Variants in ZDHHC15 observed in about 807,000 individuals in gnomAD.
ZDHHC15 encodes the protein zDHHC palmitoyltransferase 15.
A neutral mutation model predicts 31.7 loss-of-function variants in ZDHHC15; 19 were observed. That is an observed-to-expected ratio of 0.60 (90% CI 0.42 to 0.88). The LOEUF (loss-of-function observed/expected upper bound fraction) is 0.88. Ranked by LOEUF, ZDHHC15 falls within the 40% of genes least tolerant of loss-of-function variation. ZDHHC15 has a pLI of 0.00. For missense variants in ZDHHC15, 209 were observed against 251.2 expected (o/e 0.83, Z 1.14); for synonymous variants, 103 against 90.0 (o/e 1.14, Z -0.82).
intron 2 of ZDHHC15, among the ~76,000 whole-genome samples, chrX:75,484,243 T>C (rs1162677951): frequency 9.0e-6 from 1 of 111,569 alleles, no homozygotes; most frequent in Non-Finnish European, 1.9e-5. Context: ...ATATCAAGTA[T>C]ATATATACCT....
chrX:75,391,748 T>G (rs750646838), intron 10 of ZDHHC15, among the ~76,000 whole-genome samples: 1 of 112,105 alleles, frequency 8.9e-6, no homozygotes, highest in South Asian at 3.7e-4. Context: ...AGAATGTTAA[T>G]GAGCAAAAAA....
At chrX:75,418,375 A>AG (rs1254474473) in intron 9 of ZDHHC15, among the ~76,000 whole-genome samples, 1 of 111,880 alleles carries the variant, frequency 8.9e-6, no homozygotes, top group Non-Finnish European at 1.9e-5. Flanking sequence ...CTGTCTAAGG[A>AG]GGGGACTGAA....
At chrX:75,391,832 G>A (rs991295559) in intron 10 of ZDHHC15, among the ~76,000 whole-genome samples, 1 of 111,874 alleles carries the variant, frequency 8.9e-6, no homozygotes, top group Admixed American at 9.5e-5. Context: ...CTGTAGGTGT[G>A]ATATGTAAAC....
At chrX:75,375,141 GTT>G (rs2083046753) in intron 11 of ZDHHC15, among the ~76,000 whole-genome samples, 1 of 111,549 alleles carries the variant, frequency 9.0e-6, no homozygotes, top group Non-Finnish European at 1.9e-5. Flanking sequence ...TTTTATACGT[GTT>G]TCCAAGTTGC....
At chrX:75,460,768 CA>C (rs2084300539) in intron 3 of ZDHHC15, among the ~76,000 whole-genome samples, 1 of 111,255 alleles carries the variant, frequency 9.0e-6, no homozygotes, top group Non-Finnish European at 1.9e-5. Context: ...AAAGACCCCA[CA>C]AAAAACTTAT....
At chrX:75,395,535 G>T (rs182653697) in intron 10 of ZDHHC15, among the ~76,000 whole-genome samples, 52 of 111,514 alleles carry the variant, frequency 4.7e-4, no homozygotes, top group African/African-American at 1.5e-3. Flanking sequence ...AACATTGAAA[G>T]AAATTGAATA....
chrX:75,441,531 G>T (rs1204182778), intron 4 of ZDHHC15, among the ~76,000 whole-genome samples: 2 of 111,289 alleles, frequency 1.8e-5, no homozygotes, highest in East Asian at 5.6e-4. Flanking sequence ...ACAGGTTTTT[G>T]GCTGTCTCAT....
intron 2 of ZDHHC15, among the ~76,000 whole-genome samples, chrX:75,492,242 A>G (rs1000502712): frequency 1.8e-5 from 2 of 111,888 alleles, no homozygotes; most frequent in Non-Finnish European, 3.8e-5. Context: ...TATCCTAAAT[A>G]TATATGAACC....
chrX:75,400,611 A>G (rs1380990842), intron 10 of ZDHHC15, among the ~76,000 whole-genome samples: 2 of 112,037 alleles, frequency 1.8e-5, no homozygotes, highest in Non-Finnish European at 3.8e-5. Flanking sequence ...GTCAACAGTC[A>G]AAAGCAAGAA....
intron 11 of ZDHHC15, among the ~76,000 whole-genome samples, chrX:75,377,512 T>C (rs992916654): frequency 4.6e-5 from 5 of 108,884 alleles, no homozygotes; most frequent in African/African-American, 1.7e-4. Flanking sequence ...AAAATATATA[T>C]ATATGTATAT....
chrX:75,437,223 T>A (rs1440806770), intron 4 of ZDHHC15, among the ~76,000 whole-genome samples: 1 of 111,281 alleles, frequency 9.0e-6, no homozygotes, highest in African/African-American at 3.3e-5. Context: ...GTGTGTAGTT[T>A]AAGTCTACTG....
At chrX:75,497,027 A>G (rs1372044731) in intron 2 of ZDHHC15, among the ~76,000 whole-genome samples, 1 of 112,151 alleles carries the variant, frequency 8.9e-6, no homozygotes, top group Non-Finnish European at 1.9e-5. Flanking sequence ...CAAAAAATAC[A>G]AAAGATAAAT....
intron 11 of ZDHHC15, 32 bp from the exon 12 acceptor site, chrX:75,372,977 G>A (rs1253530304): frequency 8.9e-6 from 1 of 111,807 alleles, no homozygotes; most frequent in Non-Finnish European, 1.9e-5. Flanking sequence ...TCACAGATGA[G>A]CTGAACAACT....
intron 3 of ZDHHC15, among the ~76,000 whole-genome samples, chrX:75,463,607 A>AACAACAAC (rs58345977): frequency 2.5e-4 from 14 of 56,208 alleles, no homozygotes; most frequent in African/African-American, 5.4e-4. Context: ...ACAACAACAA[A>AACAACAAC]AAACCCATCA....
chrX:75,492,989 C>G (rs1216085589), intron 2 of ZDHHC15, among the ~76,000 whole-genome samples: 1 of 111,259 alleles, frequency 9.0e-6, no homozygotes, highest in Non-Finnish European at 1.9e-5. Flanking sequence ...TCAGTGAATC[C>G]AGGAACTGGT....
chrX:75,446,470 G>A (rs1402950210), intron 4 of ZDHHC15, among the ~76,000 whole-genome samples: 2 of 111,961 alleles, frequency 1.8e-5, no homozygotes, highest in African/African-American at 6.5e-5. Context: ...TTTGTAAAGA[G>A]AGCCCTGGTA....
chrX:75,411,365 G>A (rs1388589554), intron 10 of ZDHHC15, among the ~76,000 whole-genome samples: 2 of 110,731 alleles, frequency 1.8e-5, no homozygotes, highest in Non-Finnish European at 3.8e-5. Flanking sequence ...GGTGCCCACC[G>A]CCACGCCCGG....
chrX:75,450,887 T>G lies in ZDHHC15; in HGVS notation c.294A>C (p.Glu98Asp). The G allele has an allele frequency of 5.0e-6, 6 of 1,210,526 alleles. No individual in the cohort carries two copies. The highest frequency in any genetic ancestry group is 6.7e-6 in the Non-Finnish European group (6 of 894,782). The part of the protein sequence containing the change: ...HLSYTDKERY[E>D]NEERPEVQKQ... ...TCTGGACCTCAGGTCTTTCTTCATT[T>G]TCATAGCGCTCCTTGTCTGTGTAGG... Residue 98 changes from glutamate to aspartate, a missense_variant, in exon 4 of 12, where the codon GAA becomes GAC. Physicochemically the swap from Glu to Asp is conservative, Grantham distance 45 (BLOSUM62 2). Coordinates refer to ENST00000373367, the MANE Select transcript of ZDHHC15 (RefSeq NM_144969.3).
At chrX:75,454,775 A>G (rs1317662997) in intron 3 of ZDHHC15, among the ~76,000 whole-genome samples, 4 of 111,366 alleles carry the variant, frequency 3.6e-5, no homozygotes, top group South Asian at 7.6e-4. Flanking sequence ...AATAAAAAAT[A>G]AAAATGAAAA....
Sources: allele counts gnomAD v4.1 joint callset (sites outside exome capture counted in the v4.1 genomes callset), GRCh38; gene constraint gnomAD v4.1.1; transcripts MANE v1.5; gene names NCBI Gene and HGNC (gene_info 2026-07-23, HGNC 2026-07-21).